SMYD3: variants seen among roughly 807,000 people sequenced by gnomAD.
SMYD3 encodes SET and MYND domain containing 3.
A neutral mutation model predicts 57.7 loss-of-function variants in SMYD3; 36 were observed. The observed-to-expected ratio is 0.62, with a 90% CI of 0.48 to 0.82. The LOEUF (loss-of-function observed/expected upper bound fraction) is 0.82. Ranked by LOEUF, SMYD3 falls within the 40% of genes least tolerant of loss-of-function variation. The pLI is 0.00. For synonymous variants in SMYD3, 211 were observed against 195.0 expected, an observed-to-expected ratio of 1.08 and a Z score of -0.68; for missense variants, 515 against 538.8, an observed-to-expected ratio of 0.96 and a Z score of 0.44.
At chr1:246,112,404 A>T (rs2061259732) in intron 5 of SMYD3, among the ~76,000 whole-genome samples, 1 of 152,224 alleles carries the variant, frequency 6.6e-6, no homozygotes, top group Non-Finnish European at 1.5e-5. Context: ...AATCGATGTT[A>T]AAATTTTGGT....
chr1:246,402,412 C>G (rs2066787773), intron 1 of SMYD3, among the ~76,000 whole-genome samples: 1 of 101,670 alleles, frequency 9.8e-6, no homozygotes. Flanking sequence ...GCACGTGATA[C>G]CTCTGTGATT....
intron 10 of SMYD3, among the ~76,000 whole-genome samples, chr1:245,842,545 C>A (rs986670563): frequency 6.6e-6 from 1 of 152,114 alleles, no homozygotes; most frequent in Non-Finnish European, 1.5e-5. Flanking sequence ...CCCTGGGGAA[C>A]AGCAAGCCGA....
intron 5 of SMYD3, among the ~76,000 whole-genome samples, chr1:246,046,098 C>T (rs1341991943): frequency 6.6e-6 from 1 of 152,128 alleles, no homozygotes; most frequent in African/African-American, 2.4e-5. Flanking sequence ...CTAGAAATAC[C>T]ATATGACCCA....
chr1:246,463,280 A>T (rs1201832612), intron 1 of SMYD3, among the ~76,000 whole-genome samples: 1 of 152,166 alleles, frequency 6.6e-6, no homozygotes, highest in Non-Finnish European at 1.5e-5. Flanking sequence ...AGATACAGGG[A>T]TATATGTATA....
chr1:245,862,838 A>G (rs550508919), intron 9 of SMYD3, among the ~76,000 whole-genome samples: 82 of 152,358 alleles, frequency 5.4e-4, no homozygotes, highest in African/African-American at 1.9e-3. Context: ...ACCAGGCAGC[A>G]CTGTGATGAT....
intron 5 of SMYD3, among the ~76,000 whole-genome samples, chr1:246,175,851 A>G (rs1441437133): frequency 6.6e-6 from 1 of 152,238 alleles, no homozygotes; most frequent in African/African-American, 2.4e-5. Flanking sequence ...TGTGTAAAGT[A>G]GCCATGAATT....
intron 7 of SMYD3, among the ~76,000 whole-genome samples, chr1:245,919,190 CAT>C (rs1437797087): frequency 1.3e-5 from 2 of 152,184 alleles, no homozygotes; most frequent in African/African-American, 2.4e-5. Context: ...CTAAAACTCA[CAT>C]GTGATCACGT....
intron 10 of SMYD3, among the ~76,000 whole-genome samples, chr1:245,830,697 T>TA (rs2049785084): frequency 6.6e-6 from 1 of 152,194 alleles, no homozygotes; most frequent in African/African-American, 2.4e-5. Flanking sequence ...AGCTTAGCGA[T>TA]AACAGATTTT....
chr1:246,011,030 G>A (rs1015254712), intron 5 of SMYD3, among the ~76,000 whole-genome samples: 2 of 152,194 alleles, frequency 1.3e-5, no homozygotes, highest in Non-Finnish European at 1.5e-5. Flanking sequence ...CAGGAAGAGC[G>A]AAGTCTAGCA....
chr1:246,082,389 A>T (rs542722203), intron 5 of SMYD3, among the ~76,000 whole-genome samples: 1 of 152,260 alleles, frequency 6.6e-6, no homozygotes, highest in East Asian at 1.9e-4. Context: ...GCATGCTGGC[A>T]ACCAACTCAC....
chr1:245,767,933 A>C (rs1323040748), intron 10 of SMYD3, among the ~76,000 whole-genome samples: 1 of 152,206 alleles, frequency 6.6e-6, no homozygotes, highest in South Asian at 2.1e-4. Context: ...CCCTAGAGGC[A>C]AAAATACTTG....
intron 1 of SMYD3, among the ~76,000 whole-genome samples, chr1:246,386,571 T>G (rs1487710956): frequency 1.3e-5 from 2 of 151,928 alleles, no homozygotes; most frequent in African/African-American, 4.8e-5. Flanking sequence ...GCAGGAAGAT[T>G]GCTTGAGGCC....
At chr1:246,501,250 C>T (rs1480514126) in intron 1 of SMYD3, among the ~76,000 whole-genome samples, 1 of 152,240 alleles carries the variant, frequency 6.6e-6, no homozygotes, top group African/African-American at 2.4e-5. Flanking sequence ...CTTGTCTCCA[C>T]TAGCCTCTTC....
At chr1:246,008,966 G>C (rs77283404) in intron 5 of SMYD3, among the ~76,000 whole-genome samples, 1 of 152,092 alleles carries the variant, frequency 6.6e-6, no homozygotes, top group Non-Finnish European at 1.5e-5. Flanking sequence ...AGTGCCAGCC[G>C]TACCGCTTGC....
At chr1:246,012,045 C>T (rs1011048052) in intron 5 of SMYD3, among the ~76,000 whole-genome samples, 1 of 152,108 alleles carries the variant, frequency 6.6e-6, no homozygotes, top group South Asian at 2.1e-4. Flanking sequence ...TATCATTATC[C>T]ACTGATACTG....
At chr1:245,879,431 A>T (rs1220042697) in intron 8 of SMYD3, among the ~76,000 whole-genome samples, 1 of 152,224 alleles carries the variant, frequency 6.6e-6, no homozygotes, top group Non-Finnish European at 1.5e-5. Flanking sequence ...ATGGAGACGA[A>T]GAGTGTAAGA....
At chr1:245,823,606 C>T (rs1294664274) in intron 10 of SMYD3, among the ~76,000 whole-genome samples, 1 of 152,258 alleles carries the variant, frequency 6.6e-6, no homozygotes, top group Non-Finnish European at 1.5e-5. Context: ...ATTCAAGAAG[C>T]TCTCACAGTT....
chr1:246,433,463 C>A (rs1286936085), intron 1 of SMYD3, among the ~76,000 whole-genome samples: 3 of 152,076 alleles, frequency 2.0e-5, no homozygotes, highest in Non-Finnish European at 4.4e-5. Flanking sequence ...GAGTTTGAGA[C>A]CAGCCTGGAC....
chr1:246,100,900 AAAAAC>A (rs2060997198), intron 5 of SMYD3, among the ~76,000 whole-genome samples: 1 of 152,124 alleles, frequency 6.6e-6, no homozygotes, highest in Non-Finnish European at 1.5e-5. Flanking sequence ...CTTTGACTTA[AAAAAC>A]AAAATAAAAT....
Sources: gnomAD v4.1 joint callset for allele counts (sites outside exome capture counted in the v4.1 genomes callset) on GRCh38, gnomAD v4.1.1 for gene constraint, MANE v1.5 for transcripts, NCBI Gene and HGNC (gene_info 2026-07-23, HGNC 2026-07-21) for gene names.